The following UVSSA variants were observed in gnomAD, a reference collection of about 807,000 sequenced individuals.
UVSSA encodes UV-stimulated scaffold protein A.
A neutral mutation model predicts 73.9 loss-of-function variants in UVSSA; 72 were observed. The observed-to-expected ratio is 0.97, with a 90% CI of 0.81 to 1.19. The LOEUF is 1.19. UVSSA is among the 50% of genes most tolerant of loss of function. The pLI is 0.00. For synonymous variants in UVSSA, 454 were observed against 391.3 expected, an observed-to-expected ratio of 1.16 and a Z score of -1.89; for missense variants, 1,150 against 965.0, an observed-to-expected ratio of 1.19 and a Z score of -2.54.
Position 1,353,421 on chromosome 4 carries a change from C to T in UVSSA, c.934+8C>T. ...ATGTGGAGCTCTGCTCAGGTAACTG[C>T]CTTCGCGGGGTCTCTGTGGCGCCAC... On this transcript the variant is annotated splice_region_variant and intron_variant, in intron 5 of 13. Transcript: ENST00000389851. The T allele has an allele frequency of 4.7e-6, 7 of 1,489,004 alleles. No individual in the cohort carries two copies. Among genetic ancestry groups the T allele is most frequent in the Non-Finnish European group, 6.3e-6 (7 of 1,115,922 alleles). The allele number at this position is 1,489,004 out of a possible 1,614,324, so 92.2% of individuals were successfully genotyped here. A position where few individuals can be genotyped will look rare whatever the true frequency, so the allele number is the denominator to read the frequency against.
At chr4:1,374,186 C>A (rs1449671395) in intron 8 of UVSSA, among the ~76,000 whole-genome samples, 2 of 152,242 alleles carry the variant, frequency 1.3e-5, no homozygotes, top group African/African-American at 4.8e-5. Flanking sequence ...CTGAGCCCCC[C>A]TGGCCGGCAG....
At chr4:1,372,958 G>T (rs1418264031) in intron 8 of UVSSA, among the ~76,000 whole-genome samples, 1 of 150,934 alleles carries the variant, frequency 6.6e-6, no homozygotes, top group Non-Finnish European at 1.5e-5. Context: ...GCTTTTCTTT[G>T]TGACTACTGG....
chr4:1,347,983 C>T, intron 1 of UVSSA, 107 bp from the exon 2 acceptor site: 3 of 893,230 alleles, frequency 3.4e-6, no homozygotes, highest in East Asian at 4.9e-5. Context: ...GCCTCAGGGT[C>T]CTCCCGGAGC....
chr4:1,345,327 C>A (rs762951339), upstream of UVSSA, among the ~76,000 whole-genome samples: 1 of 152,044 alleles, frequency 6.6e-6, no homozygotes, highest in African/African-American at 2.4e-5. Flanking sequence ...TTGGTCCAAG[C>A]GAACAGAAGG....
At chr4:1,383,967 C>T in intron 13 of UVSSA, 27 bp downstream of exon 13, 1 of 1,595,414 alleles carries the variant, frequency 6.3e-7, no homozygotes, top group Non-Finnish European at 8.5e-7. Context: ...GGTCACCTCC[C>T]ACCGCGTGGC....
chr4:1,386,311 G>A lies in UVSSA; in HGVS notation c.*350G>A, dbSNP rs904006264. The A allele has an allele frequency of 3.3e-5, 7 of 211,994 alleles. No homozygotes were observed. In the East Asian group the frequency reaches 6.7e-4, roughly 20 times the overall value. 13.1% of individuals were successfully genotyped at this position (211,994 alleles called of 1,614,324 possible). On this transcript the variant is annotated 3_prime_UTR_variant, in exon 14 of 14. Coordinates refer to ENST00000389851, the MANE Select transcript of UVSSA (RefSeq NM_020894.4). ...GTGTGTGCAGCTCAGCCTTCAGAGC[G>A]TGCATTCCCCAGCCAGGAGGCGACC...
At chr4:1,346,094 G>A (rs931571125), upstream of UVSSA, among the ~76,000 whole-genome samples, 4 of 152,206 alleles carry the variant, frequency 2.6e-5, no homozygotes, top group Non-Finnish European at 4.4e-5. Context: ...GACGCCCAGG[G>A]ACAGAAGCTG....
At chr4:1,381,166 G>A (rs1227553675) in intron 12 of UVSSA, among the ~76,000 whole-genome samples, 178 bp downstream of exon 12, 1 of 152,186 alleles carries the variant, frequency 6.6e-6, no homozygotes, top group African/African-American at 2.4e-5. Context: ...TGAGGGTCCT[G>A]GGTTTGGGGG....
rs550704918 is a variant in UVSSA, at chr4:1,394,887, C to T, written c.*8926C>T. The T allele has an allele frequency of 8.0e-6, 12 of 1,506,176 alleles. No individual in the cohort carries two copies. The highest frequency in any genetic ancestry group is 3.2e-5 in the East Asian group (1 of 31,416). 93.3% of individuals were successfully genotyped at this position (1,506,176 alleles called of 1,614,324 possible). A position where few individuals can be genotyped will look rare whatever the true frequency, so the allele number is the denominator to read the frequency against. ...CTCACACGTGCCGATGCGGAGTGCCCGCCTGCTCACACGTGCCCATGCGGA... is the reference window on the plus strand; with the variant it reads ...CTCACACGTGCCGATGCGGAGTGCCTGCCTGCTCACACGTGCCCATGCGGA... On this transcript the variant is annotated 3_prime_UTR_variant, in exon 14 of 14. Coordinates refer to the UVSSA transcript ENST00000511216.
chr4:1,383,621 G>C, intron 12 of UVSSA, 145 bp from the exon 13 acceptor site: 1 of 904,692 alleles, frequency 1.1e-6, no homozygotes. Context: ...CATCCTCTCA[G>C]GCTTGCTGCT....
At chr4:1,359,708 A>C (rs1716344244) in intron 7 of UVSSA, among the ~76,000 whole-genome samples, 1 of 152,120 alleles carries the variant, frequency 6.6e-6, no homozygotes, top group African/African-American at 2.4e-5. Context: ...ACAGAACCAG[A>C]GTCGTCCCCC....
intron 9 of UVSSA, 136 bp downstream of exon 9, chr4:1,375,644 C>A: frequency 7.3e-7 from 1 of 1,370,220 alleles, no homozygotes; most frequent in Non-Finnish European, 9.7e-7. Flanking sequence ...TGTGTACCCC[C>A]GGCCGGGTGA....
Position 1,353,316 on chromosome 4 carries a change from C to A in UVSSA, c.837C>A (p.Asp279Glu). 1.2e-6 allele frequency: 2 copies of A among 1,611,770 alleles called. No individual in the cohort carries two copies. Among genetic ancestry groups the A allele is most frequent in the Middle Eastern group, 1.6e-4 (1 of 6,062 alleles). ...GAQPSQTATG[D>E]PSDEDEDSDL... ...AGCCATCCCAGACAGCCACAGGTGA[C>A]CCCTCAGATGAGGACGAGGACAGCG... Residue 279 changes from aspartate (D) to glutamate (E), a missense_variant, in exon 5 of 14, where the codon GAC (aspartate) becomes GAA (glutamate). Physicochemically the swap from Asp to Glu is conservative, Grantham distance 45. Transcript: ENST00000389851.
In UVSSA at chr4:1,347,647, C is replaced by T. The variant is rs1007607621; in HGVS notation, c.-116C>T. The T allele has an allele frequency of 5.0e-5, 8 of 158,470 alleles. No individual in the cohort carries two copies. Among genetic ancestry groups the T allele is most frequent in the Non-Finnish European group, 1.1e-4 (8 of 71,586 alleles). The allele number at this position is 158,470 out of a possible 1,614,324, so 9.8% of individuals were successfully genotyped here. A position where few individuals can be genotyped will look rare whatever the true frequency, so the allele number is the denominator to read the frequency against. On this transcript the variant is annotated 5_prime_UTR_variant, in exon 1 of 14. Coordinates refer to ENST00000389851, the MANE Select transcript of UVSSA (RefSeq NM_020894.4). ...GCTCGGCCCTGGGTATCCGGGCAGG[C>T]TGCCTCCGTTAGGGCCGCCCCTGCT...
At chr4:1,384,228 A>G (rs1560490286) in intron 13 of UVSSA, 2 of 457,874 alleles carry the variant, frequency 4.4e-6, no homozygotes, top group Non-Finnish European at 4.0e-6. Context: ...CCATGCCAGG[A>G]CACAGGCCTT....
intron 8 of UVSSA, 94 bp from the exon 9 acceptor site, chr4:1,375,270 T>G: frequency 1.3e-6 from 2 of 1,557,600 alleles, no homozygotes; most frequent in Admixed American, 3.5e-5. Flanking sequence ...TGGAACACGC[T>G]AACGCATAGG....
chr4:1,362,275 G>C (rs764977580), intron 7 of UVSSA, among the ~76,000 whole-genome samples: 1 of 152,240 alleles, frequency 6.6e-6, no homozygotes, highest in Non-Finnish European at 1.5e-5. Flanking sequence ...CCTGTGCACG[G>C]GTGGTCTTGG....
chr4:1,362,909 C>T (rs1376209282), intron 7 of UVSSA, among the ~76,000 whole-genome samples: 3 of 152,226 alleles, frequency 2.0e-5, no homozygotes, highest in Non-Finnish European at 4.4e-5. Context: ...CCTAGGCTCA[C>T]GGCTTCCCCA....
At chr4:1,381,325 G>A (rs1025290432) in intron 12 of UVSSA, among the ~76,000 whole-genome samples, 1 of 152,262 alleles carries the variant, frequency 6.6e-6, no homozygotes. Flanking sequence ...GCCTTAAGGC[G>A]AGAGAAGTGA....
Sources: allele counts gnomAD v4.1 joint callset (sites outside exome capture counted in the v4.1 genomes callset), GRCh38; gene constraint gnomAD v4.1.1; transcripts MANE v1.5; gene names NCBI Gene and HGNC (gene_info 2026-07-23, HGNC 2026-07-21).